WDR33: variants seen among roughly 807,000 people sequenced by gnomAD.
WDR33 encodes the protein WD repeat domain 33.
A neutral mutation model predicts 164.9 loss-of-function variants in WDR33; 47 were observed. That is an observed-to-expected ratio of 0.29 (90% CI 0.23 to 0.36). The LOEUF is 0.36. WDR33 is among the 10% of genes least tolerant of loss of function. WDR33 has a pLI of 1.00. For missense variants in WDR33, 1,137 were observed against 1,754.1 expected, an observed-to-expected ratio of 0.65 and a Z score of 6.28; for synonymous variants, 505 against 589.0, an observed-to-expected ratio of 0.86 and a Z score of 2.06.
rs1687761706 is a variant in WDR33 at position 127,764,394 on chromosome 2, C to G, written c.626+434G>C. On this transcript the variant is annotated intron_variant, in intron 6 of 21. Transcript: ENST00000322313. This position sits in a 1 kb window ranked among gnomAD's most constrained non-coding sequence, Gnocchi z 6.2. ...CGTGGCATAACCAAGCCAACCAGGT[C>G]TTCACTTAAGCCTTTTTCCACTTTG... 1.4e-6 allele frequency: 2 copies of G among 1,440,298 alleles called. No homozygotes were observed. Among genetic ancestry groups the G allele is most frequent in the Admixed American group, 3.1e-5 (1 of 32,388 alleles). 89.2% of individuals were successfully genotyped at this position (1,440,298 alleles called of 1,614,324 possible).
At position 127,723,211 on chromosome 2, in the gene WDR33, A is replaced by C; in HGVS notation, c.1291+42T>G. On this transcript the variant is annotated intron_variant, in intron 12 of 21. Transcript: ENST00000322313. The surrounding 1 kb of genome is among the most constrained non-coding windows in gnomAD (Gnocchi z 5.9). ...CCAACATCTAACACTTCTGTAATAG[A>C]ATACCAGATTTCAAAGAAGGACAGA... 4 of 1,558,844 alleles carry C rather than the reference A, an allele frequency of 2.6e-6. No homozygotes were observed. Among genetic ancestry groups the C allele is most frequent in the Non-Finnish European group, 3.5e-6 (4 of 1,137,430 alleles).
At chr2:127,760,613 A>T (rs1000797945) in intron 7 of WDR33, among the ~76,000 whole-genome samples, 2 of 152,236 alleles carry the variant, frequency 1.3e-5, no homozygotes, top group African/African-American at 4.8e-5. Context: ...GTGAGAAATG[A>T]CAGAAAACAG....
rs1475019688 is a variant in WDR33 at position 127,709,526 on chromosome 2, G to T, written c.3529C>A (p.Arg1177=). 6.2e-7 allele frequency: 1 copy of T among 1,614,030 alleles called. No individual in the cohort carries two copies. The highest frequency in any genetic ancestry group is 8.5e-7 in the Non-Finnish European group (1 of 1,179,942). Residue 1177 remains arginine (R), a synonymous_variant, in exon 20 of 22, where the codon CGG becomes AGG. Coordinates refer to ENST00000322313, the MANE Select transcript of WDR33 (RefSeq NM_018383.5). This position sits in a 1 kb window ranked among gnomAD's most constrained non-coding sequence, Gnocchi z 5.0. ...PDEFPRFEGG[R]KPDSWDGNRE... ...TTTCCATCCCAGGAATCTGGCTTCC[G>T]CCCTCCTTCAAAGCGAGGGAACTCG... is the stretch of plus-strand genomic sequence containing the variant.
Position 127,723,807 on chromosome 2 carries a change from T to C in WDR33, c.1197-460A>G, listed in dbSNP as rs1193252579. On this transcript the variant is annotated intron_variant, in intron 11 of 21. Transcript: ENST00000322313. This position sits in a 1 kb window ranked among gnomAD's most constrained non-coding sequence, Gnocchi z 5.9. ...AAATAAAATGTGGGGCCGGGCAAGG[T>C]GGCTCATGCCTGTAATCCCAGCACC... is the stretch of plus-strand genomic sequence containing the variant. Among the ~76,000 whole-genome samples, 1 of 152,028 alleles carries C rather than the reference T, an allele frequency of 6.6e-6. No individual in the cohort carries two copies. Among genetic ancestry groups the C allele is most frequent in the Non-Finnish European group, 1.5e-5 (1 of 67,984 alleles).
intron 7 of WDR33, among the ~76,000 whole-genome samples, chr2:127,747,298 T>A (rs1687193996): frequency 6.6e-6 from 1 of 152,186 alleles, no homozygotes; most frequent in African/African-American, 2.4e-5. Context: ...AAACAACAGT[T>A]TAACATACAG....
chr2:127,750,302 A>C (rs1687286548), intron 7 of WDR33, among the ~76,000 whole-genome samples: 1 of 151,918 alleles, frequency 6.6e-6, no homozygotes, highest in African/African-American at 2.4e-5. Flanking sequence ...TGCTGGGATT[A>C]CTGGCATGAG....
At position 127,711,780 on chromosome 2, in the gene WDR33, A is replaced by ATTTTTTTTTTTTTTTTTTTTT. The variant is rs1158780905; in HGVS notation, c.3308+1802_3308+1803insAAAAAAAAAAAAAAAAAAAAA. 3.2e-4 allele frequency among the ~76,000 whole-genome samples: 28 copies of ATTTTTTTTTTTTTTTTTTTTT among 88,304 alleles called. 1 individual carries two copies. The highest frequency in any genetic ancestry group is 1.6e-3 in the African/African-American group (24 of 15,436). 57.9% of individuals were successfully genotyped at this position (88,304 alleles called of 152,430 possible). ...TATATATATATATATATATATATAT[A>ATTTTTTTTTTTTTTTTTTTTT]TTTTTTTTTTGAGACAGAGTCTCGC... On this transcript the variant is annotated intron_variant, in intron 18 of 21. Coordinates refer to ENST00000322313, the MANE Select transcript of WDR33 (RefSeq NM_018383.5).
At chr2:127,734,945 A>G (rs17599771) in intron 7 of WDR33, among the ~76,000 whole-genome samples, 44 of 152,296 alleles carry the variant, frequency 2.9e-4, no homozygotes, top group Non-Finnish European at 5.1e-4. Flanking sequence ...AAAAATGCCT[A>G]ATGTGTTAAA....
intron 1 of WDR33, among the ~76,000 whole-genome samples, chr2:127,796,226 C>T (rs1689035284): frequency 6.6e-6 from 1 of 151,766 alleles, no homozygotes; most frequent in African/African-American, 2.4e-5. Context: ...GCATGTGCCA[C>T]CACATCTGGC....
Position 127,768,819 on chromosome 2 carries a change from A to G in WDR33, c.273+114T>C, listed in dbSNP as rs1573933928. 7 of 647,306 alleles carry G rather than the reference A, an allele frequency of 1.1e-5. No homozygotes were observed. The South Asian group carries it at 1.2e-4, about 11-fold the overall frequency. 40.1% of individuals were successfully genotyped at this position (647,306 alleles called of 1,614,324 possible). Reference sequence around the variant, plus strand: ...ATATTATCCCTTTGGGAATATTTTAATTATAAAAATGTAAAAAGAAAAGAC... The same window carrying G: ...ATATTATCCCTTTGGGAATATTTTAGTTATAAAAATGTAAAAAGAAAAGAC... On this transcript the variant is annotated intron_variant, in intron 3 of 21. Transcript: ENST00000322313.
chr2:127,754,615 G>T lies in WDR33; in HGVS notation c.724+8447C>A, dbSNP rs13395417. ...TTTTTTTTTTTTTTGTAGAAACAGGGTCTCACTTTGTTGCCCAGGCTGGTC... is the reference window on the plus strand; with the variant it reads ...TTTTTTTTTTTTTTGTAGAAACAGGTTCTCACTTTGTTGCCCAGGCTGGTC... On this transcript the variant is annotated intron_variant, in intron 7 of 21. Coordinates refer to ENST00000322313, the MANE Select transcript of WDR33 (RefSeq NM_018383.5). 6.7e-3 allele frequency among the ~76,000 whole-genome samples: 998 copies of T among 148,588 alleles called. 9 individuals are homozygous for T. The highest frequency in any genetic ancestry group is 0.024 in the African/African-American group (945 of 40,182).
chr2:127,716,158 ACT>A lies in WDR33; in HGVS notation c.2869+995_2869+996del, dbSNP rs1376487476. Among the ~76,000 whole-genome samples the A allele has an allele frequency of 2.0e-5, 3 of 152,070 alleles. No individual in the cohort carries two copies. Among genetic ancestry groups the A allele is most frequent in the Non-Finnish European group, 4.4e-5 (3 of 68,010 alleles). Reference sequence around the variant, plus strand: ...TCCACACAATGGGACAGAAATAAACACTCTCTAGTTCCCTTATCTCTTTCTTA... The same window carrying A: ...TCCACACAATGGGACAGAAATAAACACTCTAGTTCCCTTATCTCTTTCTTA... On this transcript the variant is annotated intron_variant, in intron 17 of 21. Coordinates refer to ENST00000322313, the MANE Select transcript of WDR33 (RefSeq NM_018383.5). The surrounding 1 kb of genome is among the most constrained non-coding windows in gnomAD (Gnocchi z 4.5).
chr2:127,730,874 T>G (rs1020257096), intron 7 of WDR33, among the ~76,000 whole-genome samples: 1 of 152,160 alleles, frequency 6.6e-6, no homozygotes, highest in Non-Finnish European at 1.5e-5. Context: ...TGGATTATAT[T>G]TTGTGTGTGT....
At chr2:127,787,219 T>C (rs564686440) in intron 1 of WDR33, among the ~76,000 whole-genome samples, 8 of 101,684 alleles carry the variant, frequency 7.9e-5, no homozygotes, top group Non-Finnish European at 1.3e-4. Flanking sequence ...GAATTTTTCT[T>C]AGTGCAGAAC....
At chr2:127,803,127 G>C (rs13407219) in intron 1 of WDR33, among the ~76,000 whole-genome samples, 3,236 of 151,876 alleles carry the variant, frequency 0.021, 126 homozygotes, top group African/African-American at 0.075. Context: ...AACTTTTGAA[G>C]AAAGTTCATC....
Position 127,753,922 on chromosome 2 carries a change from G to A in WDR33, c.724+9140C>T, listed in dbSNP as rs1167645274. Among the ~76,000 whole-genome samples, 8 of 152,246 alleles carry A rather than the reference G, an allele frequency of 5.3e-5. No individual in the cohort carries two copies. The East Asian group carries it at 1.5e-3, about 29-fold the overall frequency. On this transcript the variant is annotated intron_variant, in intron 7 of 21. Coordinates refer to ENST00000322313, the MANE Select transcript of WDR33 (RefSeq NM_018383.5). Reference sequence around the variant, plus strand: ...TATCTTTCAAAGCCTAACCTACCTAGTAAAAAGCTAAGGTGGGAAAGGGGC... The same window carrying A: ...TATCTTTCAAAGCCTAACCTACCTAATAAAAAGCTAAGGTGGGAAAGGGGC...
intron 1 of WDR33, among the ~76,000 whole-genome samples, chr2:127,802,009 C>CGT (rs147233408): frequency 0.12 from 17,809 of 151,362 alleles, 1,273 homozygotes; most frequent in African/African-American, 0.2. Flanking sequence ...GGTAAAACCC[C>CGT]GTCTCTACTA....
chr2:127,737,538 T>C, intron 7 of WDR33: 1 of 986,508 alleles, frequency 1.0e-6, no homozygotes, highest in Non-Finnish European at 1.2e-6. Flanking sequence ...TTCAAAAGAT[T>C]GATGGGAGTC....
chr2:127,790,816 C>T lies in WDR33; in HGVS notation c.-23-19812G>A, dbSNP rs1688817326. Among the ~76,000 whole-genome samples, 2 of 152,062 alleles carry T rather than the reference C, an allele frequency of 1.3e-5. 1 individual carries two copies. The highest frequency in any genetic ancestry group is 4.1e-4 in the South Asian group (2 of 4,824). ...AATAGATATAGGACTATTCAGGTTA[C>T]ATATTTTTTCTTGAGTGAGTTTTAG... is the stretch of plus-strand genomic sequence containing the variant. On this transcript the variant is annotated intron_variant, in intron 1 of 21. Transcript: ENST00000322313.
Sources: gnomAD v4.1 joint callset for allele counts (sites outside exome capture counted in the v4.1 genomes callset) on GRCh38, gnomAD v4.1.1 for gene constraint, Gnocchi (gnomAD v3.1) non-coding constraint, MANE v1.5 for transcripts, NCBI Gene and HGNC (gene_info 2026-07-23, HGNC 2026-07-21) for gene names.